The following AGR2 variants were observed in gnomAD, a reference collection of about 807,000 sequenced individuals.
AGR2 encodes anterior gradient 2, protein disulphide isomerase family member, also known as anterior gradient protein 2 homolog.
AGR2 carries 27 observed loss-of-function variants against 25.9 expected under a neutral mutation model. The observed-to-expected ratio is 1.04, with a 90% confidence interval of 0.77 to 1.44. AGR2 has a LOEUF of 1.44. Ranked by LOEUF, AGR2 falls within the 40% of genes most tolerant of loss-of-function variation. The pLI is 0.00. For synonymous variants in AGR2, 78 were observed against 72.0 expected (o/e 1.08, Z -0.42); for missense variants, 182 against 200.9 (o/e 0.91, Z 0.57).
intron 5 of AGR2, among the ~76,000 whole-genome samples, chr7:16,799,084 A>G (rs1265416974): frequency 6.6e-6 from 1 of 152,176 alleles, no homozygotes; most frequent in Non-Finnish European, 1.5e-5. Flanking sequence ...TGTCACTCAC[A>G]TTAAGGAGTA....
rs773818320 is a variant in AGR2, at chr7:16,801,669, G to A, written c.128C>T (p.Thr43Ile). ...TKDSRPKLPQ[T>I]LSRGWGDQLI... ...AAGCTGACTCCTACCTCTGGAGAGG[G>A]TCTGGGGCAGTTTGGGTCGAGAGTC... Residue 43 changes from threonine (T) to isoleucine (I), a missense_variant, in exon 2 of 8, where the codon ACC (threonine) becomes ATC (isoleucine). Transcript: ENST00000419304. 5.6e-6 allele frequency: 9 copies of A among 1,613,810 alleles called. No homozygotes were observed. Among genetic ancestry groups the A allele is most frequent in the Non-Finnish European group, 6.8e-6 (8 of 1,179,970 alleles).
intron 5 of AGR2, among the ~76,000 whole-genome samples, chr7:16,798,257 C>A (rs1213106701): frequency 6.6e-6 from 1 of 152,176 alleles, no homozygotes. Flanking sequence ...GCAGATTCCA[C>A]CCCGACTAGG....
intron 4 of AGR2, among the ~76,000 whole-genome samples, chr7:16,800,179 A>T (rs534828491): frequency 1.4e-4 from 21 of 152,258 alleles, no homozygotes; most frequent in Non-Finnish European, 2.8e-4. Context: ...ATAAACAAAG[A>T]AATAAGTAGA....
At chr7:16,802,731 GAT>G (rs1248658538) in intron 1 of AGR2, among the ~76,000 whole-genome samples, 1 of 151,916 alleles carries the variant, frequency 6.6e-6, no homozygotes, top group East Asian at 1.9e-4. Flanking sequence ...GATCTCTATA[GAT>G]ATAGAGTTAT....
chr7:16,793,067 T>C, intron 7 of AGR2, 110 bp from the exon 8 acceptor site: 1 of 1,063,402 alleles, frequency 9.4e-7, no homozygotes, highest in South Asian at 1.4e-5. Context: ...GCTTTTTTTT[T>C]TGAGACAAGG....
At chr7:16,793,805 C>G (rs767606781) in intron 7 of AGR2, among the ~76,000 whole-genome samples, 12 of 152,180 alleles carry the variant, frequency 7.9e-5, no homozygotes, top group Non-Finnish European at 1.6e-4. Context: ...ACTGTTTCTT[C>G]AACAGCAATT....
At position 16,792,671 on chromosome 7, in the gene AGR2, AT is replaced by A. The variant is rs556565008; in HGVS notation, c.*236del. 31,501 of 405,032 alleles carry A rather than the reference AT, an allele frequency of 0.078. 768 individuals are homozygous for A. Among genetic ancestry groups the A allele is most frequent in the African/African-American group, 0.16 (7,571 of 48,454 alleles). The allele number at this position is 405,032 out of a possible 1,614,324, so 25.1% of individuals were successfully genotyped here. On this transcript the variant is annotated 3_prime_UTR_variant, in exon 8 of 8. Coordinates refer to ENST00000419304, the MANE Select transcript of AGR2 (RefSeq NM_006408.4). ...AAAACAGAACACCCCCAAAACATTT[AT>A]TTTTTTTTTTAGAAAATCATGGCTC...
chr7:16,796,427 CTTGT>C (rs1020564645), intron 6 of AGR2, among the ~76,000 whole-genome samples: 7 of 152,008 alleles, frequency 4.6e-5, no homozygotes, highest in Non-Finnish European at 1.0e-4. Context: ...TTTTCTATTT[CTTGT>C]TTTTCTTTTC....
chr7:16,799,562 C>A, intron 5 of AGR2, 182 bp downstream of exon 5: 2 of 524,658 alleles, frequency 3.8e-6, no homozygotes, highest in Admixed American at 3.4e-5. Context: ...TAAATAAAAA[C>A]AGACACACCA....
intron 1 of AGR2, among the ~76,000 whole-genome samples, chr7:16,802,276 T>A (rs1785162442): frequency 6.6e-6 from 1 of 152,222 alleles, no homozygotes; most frequent in African/African-American, 2.4e-5. Flanking sequence ...ATCATAGATA[T>A]GTATGCATAG....
intron 1 of AGR2, among the ~76,000 whole-genome samples, chr7:16,804,160 T>A (rs1785195680): frequency 6.6e-6 from 1 of 151,398 alleles, no homozygotes; most frequent in Non-Finnish European, 1.5e-5. Context: ...CTCCACTGAG[T>A]TTTCGTAATG....
At chr7:16,802,185 A>G (rs549623819) in intron 1 of AGR2, among the ~76,000 whole-genome samples, 1 of 152,158 alleles carries the variant, frequency 6.6e-6, no homozygotes. Flanking sequence ...AACTTTTATT[A>G]TAAGATACTG....
intron 6 of AGR2, among the ~76,000 whole-genome samples, chr7:16,795,735 C>A (rs1785034086): frequency 6.6e-6 from 1 of 152,220 alleles, no homozygotes; most frequent in African/African-American, 2.4e-5. Flanking sequence ...ATCTGGAAAC[C>A]TTGCCTTGAG....
intron 7 of AGR2, among the ~76,000 whole-genome samples, chr7:16,794,136 G>A (rs2115351062): frequency 6.6e-6 from 1 of 152,336 alleles, no homozygotes; most frequent in African/African-American, 2.4e-5. Flanking sequence ...GACGTTCTAA[G>A]TCAGCACTGG....
chr7:16,793,411 A>G (rs746461899), intron 7 of AGR2, among the ~76,000 whole-genome samples: 31 of 152,326 alleles, frequency 2.0e-4, no homozygotes, highest in Admixed American at 3.9e-4. Context: ...TAAAAAAATT[A>G]TATGAAATGG....
intron 7 of AGR2, chr7:16,794,628 T>C (rs1785013071): frequency 5.4e-6 from 3 of 558,990 alleles, no homozygotes; most frequent in Admixed American, 3.2e-5. Context: ...AGTTCTGTGA[T>C]AGAAGGAGTG....
intron 1 of AGR2, among the ~76,000 whole-genome samples, chr7:16,803,424 A>G (rs928773876): frequency 6.6e-6 from 1 of 152,224 alleles, no homozygotes; most frequent in African/African-American, 2.4e-5. Flanking sequence ...GAATGAAGTC[A>G]AATAAACTCT....
intron 1 of AGR2, among the ~76,000 whole-genome samples, chr7:16,804,267 TACACACAC>T (rs113991647): frequency 2.5e-3 from 274 of 107,586 alleles, no homozygotes; most frequent in Admixed American, 4.5e-3. Flanking sequence ...CAGACATAGG[TACACACAC>T]ACACACACAC....
chr7:16,797,799 A>C (rs1367703724), intron 5 of AGR2, 105 bp from the exon 6 acceptor site: 1 of 816,782 alleles, frequency 1.2e-6, no homozygotes, highest in Non-Finnish European at 2.0e-6. Flanking sequence ...ATCTCAAGAT[A>C]TCATAACTCT....
Sources: allele counts gnomAD v4.1 joint callset (sites outside exome capture counted in the v4.1 genomes callset), GRCh38; gene constraint gnomAD v4.1.1; transcripts MANE v1.5; gene names NCBI Gene and HGNC (gene_info 2026-07-23, HGNC 2026-07-21).